Variants in TYW1 observed in about 807,000 individuals in gnomAD.
TYW1 encodes tRNA-yW synthesizing protein 1 homolog.
Under a neutral mutation model 96.2 loss-of-function variants are expected in TYW1, and 46 were observed. That is an observed-to-expected ratio of 0.48 (90% CI 0.38 to 0.61). The LOEUF (loss-of-function observed/expected upper bound fraction) is 0.61. TYW1 is among the 20% of genes least tolerant of loss of function. The pLI is 0.00. For synonymous variants in TYW1, 274 were observed against 323.0 expected, an observed-to-expected ratio of 0.85 and a Z score of 1.63; for missense variants, 684 against 909.6, an observed-to-expected ratio of 0.75 and a Z score of 3.19.
intron 11 of TYW1, among the ~76,000 whole-genome samples, chr7:67,089,874 A>C (rs564352695): frequency 6.6e-6 from 1 of 152,280 alleles, no homozygotes; most frequent in Admixed American, 6.5e-5. Flanking sequence ...CGTCTATTCA[A>C]AATGCTGCCT....
At chr7:67,047,265 TA>T (rs891635878) in intron 7 of TYW1, among the ~76,000 whole-genome samples, 2 of 151,920 alleles carry the variant, frequency 1.3e-5, no homozygotes, top group South Asian at 2.1e-4. Flanking sequence ...GCTTTTAGAT[TA>T]AAAAAAACAA....
chr7:67,123,812 G>C (rs1287850349), intron 13 of TYW1, among the ~76,000 whole-genome samples: 1 of 152,192 alleles, frequency 6.6e-6, no homozygotes, highest in African/African-American at 2.4e-5. Context: ...TTTCCAGAAA[G>C]ATTACGAAGT....
Position 67,018,157 on chromosome 7 carries a change from G to A in TYW1, c.861+14G>A, listed in dbSNP as rs764831905. 2 of 1,606,404 alleles carry A rather than the reference G, an allele frequency of 1.2e-6. No individual in the cohort carries two copies. The highest frequency in any genetic ancestry group is 1.7e-6 in the Non-Finnish European group (2 of 1,174,148). ...AGAGACACCGAGGTATACCGCCTGT[G>A]TGTTCATCTCTCGAGGCTTTCCTCT... On this transcript the variant is annotated intron_variant, in intron 6 of 15. Coordinates refer to ENST00000359626, the MANE Select transcript of TYW1 (RefSeq NM_018264.4).
chr7:67,043,849 A>AT (rs1342561067), intron 7 of TYW1, among the ~76,000 whole-genome samples: 1 of 152,146 alleles, frequency 6.6e-6, no homozygotes, highest in Admixed American at 6.6e-5. Flanking sequence ...TTCAAAAGGC[A>AT]TTTTTAGAAC....
intron 13 of TYW1, among the ~76,000 whole-genome samples, chr7:67,142,916 G>C (rs1798495848): frequency 6.6e-6 from 1 of 152,084 alleles, no homozygotes; most frequent in Non-Finnish European, 1.5e-5. Flanking sequence ...AGCCGGGCGT[G>C]GTGGCAGGCG....
intron 11 of TYW1, among the ~76,000 whole-genome samples, chr7:67,090,182 G>A (rs1796670141): frequency 1.3e-5 from 2 of 152,182 alleles, no homozygotes; most frequent in Non-Finnish European, 2.9e-5. Context: ...TGAAGGTGGG[G>A]AAGAGAACAC....
At chr7:67,064,804 T>G (rs775957827) in intron 9 of TYW1, among the ~76,000 whole-genome samples, 1 of 152,146 alleles carries the variant, frequency 6.6e-6, no homozygotes, top group Non-Finnish European at 1.5e-5. Flanking sequence ...GGTGAAATTT[T>G]CAACAAATGC....
At chr7:67,086,094 G>T (rs1466849621) in intron 11 of TYW1, among the ~76,000 whole-genome samples, 2 of 152,076 alleles carry the variant, frequency 1.3e-5, no homozygotes, top group African/African-American at 4.8e-5. Context: ...CATTTACAAA[G>T]AAGCTAATGA....
intron 9 of TYW1, among the ~76,000 whole-genome samples, chr7:67,062,282 G>A (rs1023217240): frequency 6.6e-6 from 1 of 152,036 alleles, no homozygotes; most frequent in South Asian, 2.1e-4. Context: ...AGTGGTGGGC[G>A]CCTGTAGTCG....
At chr7:67,076,595 C>G (rs1418589814) in intron 10 of TYW1, among the ~76,000 whole-genome samples, 2 of 151,896 alleles carry the variant, frequency 1.3e-5, no homozygotes, top group Admixed American at 6.6e-5. Context: ...TGTCCCTCAG[C>G]CTCCCAAGTA....
Position 66,996,966 on chromosome 7 carries a change from G to T in TYW1, c.-13G>T. The stretch of plus-strand genomic sequence containing the variant: ...AGGTCCGAGATCCTAGTCTCCTGTC[G>T]GCTCTGAGGAGGATGGGTAAGGGCA... On this transcript the variant is annotated 5_prime_UTR_variant, in exon 1 of 16. Coordinates refer to ENST00000359626, the MANE Select transcript of TYW1 (RefSeq NM_018264.4). 1.9e-6 allele frequency: 3 copies of T among 1,614,126 alleles called. No individual in the cohort carries two copies. Among genetic ancestry groups the T allele is most frequent in the Non-Finnish European group, 2.5e-6 (3 of 1,180,002 alleles).
chr7:67,094,651 A>AGGGT (rs745340578), intron 11 of TYW1, among the ~76,000 whole-genome samples: 7,032 of 141,678 alleles, frequency 0.05, 209 homozygotes, highest in African/African-American at 0.071. Flanking sequence ...AGAGAATTAG[A>AGGGT]GTGTGTGTGT....
intron 6 of TYW1, 63 bp downstream of exon 6, chr7:67,018,206 A>G: frequency 8.3e-6 from 13 of 1,559,272 alleles, no homozygotes; most frequent in Non-Finnish European, 1.1e-5. Flanking sequence ...CTCGAGCTTG[A>G]CCTCTTTCTC....
At chr7:67,212,866 T>TTTTA (rs1238889931) in intron 15 of TYW1, among the ~76,000 whole-genome samples, 1 of 152,036 alleles carries the variant, frequency 6.6e-6, no homozygotes, top group Non-Finnish European at 1.5e-5. Context: ...GTTGGTTTAT[T>TTTTA]TTTATTTATT....
chr7:67,113,581 G>A (rs533144388), intron 12 of TYW1, among the ~76,000 whole-genome samples: 7 of 152,050 alleles, frequency 4.6e-5, no homozygotes, highest in African/African-American at 1.4e-4. Flanking sequence ...GTCATCTCTG[G>A]ACTTGAATCT....
chr7:67,003,314 G>A (rs1793466839), intron 3 of TYW1, among the ~76,000 whole-genome samples: 1 of 151,882 alleles, frequency 6.6e-6, no homozygotes, highest in African/African-American at 2.4e-5. Flanking sequence ...TACAACCCAT[G>A]TCCAGTCTGT....
chr7:67,113,319 C>T (rs991170000), intron 12 of TYW1, among the ~76,000 whole-genome samples: 19 of 152,070 alleles, frequency 1.2e-4, no homozygotes, highest in Non-Finnish European at 2.4e-4. Flanking sequence ...TCATAGTAAT[C>T]CCTGAATAAA....
chr7:67,037,703 T>C (rs1794884765), intron 7 of TYW1, among the ~76,000 whole-genome samples: 1 of 151,978 alleles, frequency 6.6e-6, no homozygotes, highest in Non-Finnish European at 1.5e-5. Context: ...GTGCGGCGAC[T>C]CTGCCTGTAA....
At chr7:67,109,055 C>G (rs28799078) in intron 12 of TYW1, among the ~76,000 whole-genome samples, 2 of 150,786 alleles carry the variant, frequency 1.3e-5, no homozygotes, top group African/African-American at 4.9e-5. Context: ...GGGCGGATCA[C>G]GAGGTCAGGA....
Sources: gnomAD v4.1 joint callset for allele counts (sites outside exome capture counted in the v4.1 genomes callset) on GRCh38, gnomAD v4.1.1 for gene constraint, MANE v1.5 for transcripts, NCBI Gene and HGNC (gene_info 2026-07-23, HGNC 2026-07-21) for gene names.